Variants in RGS6 observed in about 807,000 individuals in gnomAD.
RGS6 encodes the protein regulator of G-protein signaling 6.
RGS6 carries 30 observed loss-of-function variants against 78.5 expected under a neutral mutation model. That is an observed-to-expected ratio of 0.38 (90% CI 0.29 to 0.52). The LOEUF (loss-of-function observed/expected upper bound fraction) is 0.52, where lower values mean the gene tolerates loss of function less well. RGS6 is among the 20% of genes least tolerant of loss of function. The pLI, the probability that RGS6 is intolerant of heterozygous loss-of-function variation, is 0.85. For synonymous variants in RGS6, 206 were observed against 206.0 expected (o/e 1.00, Z 0.00); for missense variants, 495 against 609.7 (o/e 0.81, Z 1.98).
chr14:72,472,770 G>C (rs1396991214), intron 8 of RGS6, 102 bp from the exon 9 acceptor site: 9 of 790,940 alleles, frequency 1.1e-5, no homozygotes, highest in Non-Finnish European at 1.9e-5. Flanking sequence ...ATGGCCTTGT[G>C]TTCACTTAGC....
intron 2 of RGS6, among the ~76,000 whole-genome samples, chr14:72,180,202 A>C (rs764699669): frequency 1.5e-4 from 23 of 152,256 alleles, no homozygotes; most frequent in Non-Finnish European, 2.8e-4. Context: ...AGTGTATCAC[A>C]TCTCTTCTTA....
At chr14:72,219,153 T>G (rs1342256012) in intron 2 of RGS6, among the ~76,000 whole-genome samples, 5 of 152,048 alleles carry the variant, frequency 3.3e-5, no homozygotes, top group Non-Finnish European at 1.5e-5. Flanking sequence ...ATTTACATTA[T>G]GAGGGTGAAA....
At chr14:72,404,275 A>G (rs1419249862) in intron 3 of RGS6, among the ~76,000 whole-genome samples, 2 of 152,186 alleles carry the variant, frequency 1.3e-5, no homozygotes, top group Non-Finnish European at 1.5e-5. Flanking sequence ...CTCCTTTAAG[A>G]TGCCTCAGGC....
chr14:72,527,682 T>C (rs1417855987), intron 15 of RGS6, among the ~76,000 whole-genome samples: 1 of 152,218 alleles, frequency 6.6e-6, no homozygotes, highest in Non-Finnish European at 1.5e-5. Flanking sequence ...TTTGTAGTGC[T>C]TCCACTTCTA....
At chr14:72,037,155 G>A (rs1320035176) in intron 2 of RGS6, among the ~76,000 whole-genome samples, 1 of 152,146 alleles carries the variant, frequency 6.6e-6, no homozygotes, top group African/African-American at 2.4e-5. Flanking sequence ...CTAAAGGATT[G>A]TAAATGCACC....
chr14:72,289,533 C>A (rs930505156), intron 2 of RGS6, among the ~76,000 whole-genome samples: 1 of 152,162 alleles, frequency 6.6e-6, no homozygotes, highest in Admixed American at 6.5e-5. Context: ...GCAAAAGTTC[C>A]TCAGGACATT....
intron 3 of RGS6, among the ~76,000 whole-genome samples, chr14:72,447,373 G>T (rs1209989525): frequency 6.6e-6 from 1 of 152,160 alleles, no homozygotes; most frequent in African/African-American, 2.4e-5. Flanking sequence ...GACTAGTAGA[G>T]TTGTCCAGCC....
intron 2 of RGS6, among the ~76,000 whole-genome samples, chr14:72,103,262 A>G (rs2095563606): frequency 6.6e-6 from 1 of 152,180 alleles, no homozygotes; most frequent in Non-Finnish European, 1.5e-5. Context: ...TTCAAGAGTC[A>G]ATATGTGGAT....
At chr14:72,192,528 C>G (rs2153721604) in intron 2 of RGS6, among the ~76,000 whole-genome samples, 1 of 152,278 alleles carries the variant, frequency 6.6e-6, no homozygotes, top group African/African-American at 2.4e-5. Flanking sequence ...GGAGGAGATT[C>G]CCCTCTCACT....
chr14:72,060,010 A>G (rs1249276467), intron 2 of RGS6, among the ~76,000 whole-genome samples: 2 of 152,256 alleles, frequency 1.3e-5, no homozygotes, highest in South Asian at 2.1e-4. Flanking sequence ...TTGTTTGCCT[A>G]CATTATACAC....
At chr14:72,254,727 A>G (rs1394734258) in intron 2 of RGS6, among the ~76,000 whole-genome samples, 1 of 152,100 alleles carries the variant, frequency 6.6e-6, no homozygotes, top group Non-Finnish European at 1.5e-5. Context: ...CATGTGTCAA[A>G]CTATCAATCC....
chr14:72,533,372 T>C (rs2097206426), intron 15 of RGS6, among the ~76,000 whole-genome samples: 1 of 152,242 alleles, frequency 6.6e-6, no homozygotes, highest in Non-Finnish European at 1.5e-5. Context: ...CACCAAGCCA[T>C]CCAAGAGCTC....
At chr14:72,021,145 C>A (rs914359454) in intron 2 of RGS6, among the ~76,000 whole-genome samples, 3 of 152,210 alleles carry the variant, frequency 2.0e-5, no homozygotes, top group Admixed American at 2.0e-4. Context: ...TGATCCTTCT[C>A]TTCACTTTTC....
At chr14:71,970,115 T>A (rs1282072009) in intron 2 of RGS6, among the ~76,000 whole-genome samples, 1 of 152,196 alleles carries the variant, frequency 6.6e-6, no homozygotes, top group East Asian at 1.9e-4. Flanking sequence ...ATTTAAGACA[T>A]TTATAAAATT....
the RGS6 span, among the ~76,000 whole-genome samples, chr14:72,618,236 A>AGTAGACAAT: frequency 2.0e-5 from 3 of 152,244 alleles, no homozygotes; most frequent in Admixed American, 2.0e-4. Flanking sequence ...GTCAGGTCTC[A>AGTAGACAAT]GTAGACAATA....
intron 2 of RGS6, among the ~76,000 whole-genome samples, chr14:72,310,336 G>C (rs1422915351): frequency 6.6e-6 from 1 of 152,198 alleles, no homozygotes; most frequent in African/African-American, 2.4e-5. Flanking sequence ...GGAAGCAAAA[G>C]GTTAAACTGT....
intron 2 of RGS6, among the ~76,000 whole-genome samples, chr14:71,972,724 C>T (rs2093886489): frequency 6.6e-6 from 1 of 151,926 alleles, no homozygotes. Flanking sequence ...GAACAGGAAT[C>T]CAGGTGAGGA....
At chr14:72,215,388 C>CT (rs1337493717) in intron 2 of RGS6, among the ~76,000 whole-genome samples, 1 of 152,172 alleles carries the variant, frequency 6.6e-6, no homozygotes, top group Non-Finnish European at 1.5e-5. Flanking sequence ...GTTAGAAATG[C>CT]TTGTTGCCCA....
chr14:72,255,042 C>A (rs2056770748), intron 2 of RGS6, among the ~76,000 whole-genome samples: 1 of 152,188 alleles, frequency 6.6e-6, no homozygotes, highest in African/African-American at 2.4e-5. Flanking sequence ...TGGGGAGACA[C>A]AGCAGGCTGT....
Sources: allele counts gnomAD v4.1 joint callset (sites outside exome capture counted in the v4.1 genomes callset), GRCh38; gene constraint gnomAD v4.1.1; transcripts MANE v1.5; gene names NCBI Gene and HGNC (gene_info 2026-07-23, HGNC 2026-07-21).